PAX5: variants seen among roughly 807,000 people sequenced by gnomAD.
PAX5 encodes the protein paired box protein Pax-5.
A neutral mutation model predicts 43.7 loss-of-function variants in PAX5; 9 were observed. The observed-to-expected ratio is 0.21, with a 90% CI of 0.12 to 0.36. The LOEUF is 0.36. PAX5 is among the 10% of genes least tolerant of loss of function. The probability of loss-of-function intolerance (pLI) is 1.00; values close to 1 mark genes in which losing one functional copy is unlikely to be tolerated. For synonymous variants in PAX5, 228 were observed against 214.3 expected (o/e 1.06, Z -0.56); for missense variants, 383 against 532.7 (o/e 0.72, Z 2.77).
At chr9:36,880,009 C>T (rs544843859) in intron 8 of PAX5, among the ~76,000 whole-genome samples, 80 of 152,324 alleles carry the variant, frequency 5.3e-4, no homozygotes, top group African/African-American at 1.8e-3. Flanking sequence ...ACACGGAGGC[C>T]GTTTCCCATG....
chr9:36,862,585 AAAG>A (rs1824328791), intron 8 of PAX5, among the ~76,000 whole-genome samples: 1 of 152,082 alleles, frequency 6.6e-6, no homozygotes, highest in Non-Finnish European at 1.5e-5. Flanking sequence ...AACAAACCAA[AAAG>A]AAGATGGAAA....
At chr9:36,951,730 T>C (rs1833028746) in intron 6 of PAX5, among the ~76,000 whole-genome samples, 1 of 152,228 alleles carries the variant, frequency 6.6e-6, no homozygotes, top group Non-Finnish European at 1.5e-5. Context: ...TTCTATCCTC[T>C]ATTGTGTAAT....
intron 5 of PAX5, among the ~76,000 whole-genome samples, chr9:37,000,904 C>T (rs28685233): frequency 0.066 from 10,100 of 152,296 alleles, 502 homozygotes; most frequent in African/African-American, 0.14. Context: ...AATCCAGTCT[C>T]GCTTATTCTG....
At chr9:36,880,219 C>T (rs932143799) in intron 8 of PAX5, among the ~76,000 whole-genome samples, 1 of 152,254 alleles carries the variant, frequency 6.6e-6, no homozygotes, top group African/African-American at 2.4e-5. Context: ...TGCTGAGCTC[C>T]CCACCCTGGG....
chr9:36,866,197 G>A (rs981746432), intron 8 of PAX5, among the ~76,000 whole-genome samples: 17 of 152,254 alleles, frequency 1.1e-4, no homozygotes, highest in Admixed American at 9.8e-4. Context: ...GAGCGTTCGA[G>A]GCAGAGGCCT....
intron 1 of PAX5, among the ~76,000 whole-genome samples, chr9:37,030,818 A>G (rs1588284791): frequency 6.6e-6 from 1 of 152,268 alleles, no homozygotes; most frequent in South Asian, 2.1e-4. Context: ...GTGTTCTAGT[A>G]GCCTGACATC....
intron 5 of PAX5, among the ~76,000 whole-genome samples, chr9:36,969,638 C>T (rs1834769969): frequency 6.6e-6 from 1 of 152,274 alleles, no homozygotes; most frequent in Non-Finnish European, 1.5e-5. Context: ...TGGCTGCGTC[C>T]TGCTCTGGTT....
At position 37,024,656 on chromosome 9, in the gene PAX5, G is replaced by A. The variant is rs369912968; in HGVS notation, c.47-3855C>T. On this transcript the variant is annotated intron_variant, in intron 1 of 9. Transcript: ENST00000358127. ...GCTGGGGCCCAGCCCCCACTGTGCT[G>A]CCAGGGAGATTGAAAATGGGAGGGA... 1.3e-4 allele frequency among the ~76,000 whole-genome samples: 20 copies of A among 152,328 alleles called. No individual in the cohort carries two copies. In the South Asian group the frequency reaches 4.2e-3, roughly 32 times the overall value.
intron 5 of PAX5, among the ~76,000 whole-genome samples, chr9:37,001,671 G>C (rs978222581): frequency 6.6e-6 from 1 of 152,220 alleles, no homozygotes; most frequent in Non-Finnish European, 1.5e-5. Flanking sequence ...TCTAGTTACA[G>C]ATCTTAAGTA....
At chr9:36,904,072 T>C (rs931366297) in intron 7 of PAX5, among the ~76,000 whole-genome samples, 9 of 152,182 alleles carry the variant, frequency 5.9e-5, no homozygotes, top group Non-Finnish European at 1.0e-4. Context: ...ACCAGTGAAA[T>C]GAGGATGAGA....
At chr9:37,010,266 G>A (rs892895932) in intron 3 of PAX5, among the ~76,000 whole-genome samples, 16 of 152,280 alleles carry the variant, frequency 1.1e-4, no homozygotes, top group African/African-American at 3.1e-4. Flanking sequence ...CCTGGCTGCC[G>A]TACTGCAGAG....
At chr9:36,993,229 G>C (rs1171876432) in intron 5 of PAX5, among the ~76,000 whole-genome samples, 1 of 152,092 alleles carries the variant, frequency 6.6e-6, no homozygotes, top group Non-Finnish European at 1.5e-5. Context: ...ACTAAATTTT[G>C]GGTTTGGAAG....
At chr9:37,023,836 G>C (rs1251478521) in intron 1 of PAX5, among the ~76,000 whole-genome samples, 1 of 152,222 alleles carries the variant, frequency 6.6e-6, no homozygotes, top group Non-Finnish European at 1.5e-5. Flanking sequence ...AGGGGCACAG[G>C]GAAAGGGCAG....
rs1473825877 is a variant in PAX5 at position 36,882,607 on chromosome 9, CCCACAGTG to C, written c.911-510_911-503del. 1.3e-5 allele frequency among the ~76,000 whole-genome samples: 2 copies of C among 152,216 alleles called. No homozygotes were observed. Among genetic ancestry groups the C allele is most frequent in the East Asian group, 3.8e-4 (2 of 5,200 alleles). On this transcript the variant is annotated intron_variant, in intron 7 of 9. Transcript: ENST00000358127. The surrounding 1 kb of genome is among the most constrained non-coding windows in gnomAD (Gnocchi z 4.4). ...TCCCTTCTCCTCTCCTCAACAGCCC[CCCACAGTG>C]AACAGGGGGCATATCTGCCTCAAAC...
At chr9:36,976,341 T>C (rs1341886311) in intron 5 of PAX5, among the ~76,000 whole-genome samples, 1 of 152,096 alleles carries the variant, frequency 6.6e-6, no homozygotes, top group Non-Finnish European at 1.5e-5. Flanking sequence ...TTGGGGTGCT[T>C]AGAGTGATCC....
At chr9:36,980,623 G>A (rs1459133762) in intron 5 of PAX5, among the ~76,000 whole-genome samples, 1 of 152,156 alleles carries the variant, frequency 6.6e-6, no homozygotes, top group Non-Finnish European at 1.5e-5. Context: ...GGGGGAGGAG[G>A]GTCATACAGT....
chr9:36,916,950 G>A (rs1829773205), intron 7 of PAX5, among the ~76,000 whole-genome samples: 1 of 152,124 alleles, frequency 6.6e-6, no homozygotes, highest in South Asian at 2.1e-4. Context: ...CTCCCAAAAT[G>A]CTGGGATTAC....
At position 37,034,057 on chromosome 9, in the gene PAX5, TG is replaced by T; in HGVS notation, c.-27del. On this transcript the variant is annotated 5_prime_UTR_variant, in exon 1 of 10. Transcript: ENST00000358127. ...TTTGATTTTTCAGGACTTGATGGAA[TG>T]GACAGGGAAAAGTTTCCACTTTTTT... The T allele has an allele frequency of 6.8e-7, 1 of 1,465,068 alleles. No homozygotes were observed. Among genetic ancestry groups the T allele is most frequent in the Non-Finnish European group, 9.5e-7 (1 of 1,052,156 alleles). The allele number at this position is 1,465,068 out of a possible 1,614,324, so 90.8% of individuals were successfully genotyped here.
chr9:36,882,236 C>A lies in PAX5; in HGVS notation c.911-131G>T, dbSNP rs79473240. On this transcript the variant is annotated intron_variant, in intron 7 of 9. Coordinates refer to ENST00000358127, the MANE Select transcript of PAX5 (RefSeq NM_016734.3). This position sits in a 1 kb window ranked among gnomAD's most constrained non-coding sequence, Gnocchi z 4.4. The stretch of plus-strand genomic sequence containing the variant: ...AACGGCAATGTGCCCCCAGCTCCCC[C>A]CTGTCGCTCACACGCTCTCACAAAC... 303 of 643,392 alleles carry A rather than the reference C, an allele frequency of 4.7e-4. 1 individual carries two copies. The highest frequency in any genetic ancestry group is 4.0e-3 in the African/African-American group (215 of 54,040). The allele number at this position is 643,392 out of a possible 1,614,324, so 39.9% of individuals were successfully genotyped here.
Sources: allele counts gnomAD v4.1 joint callset (sites outside exome capture counted in the v4.1 genomes callset), GRCh38; gene constraint gnomAD v4.1.1; non-coding constraint Gnocchi (gnomAD v3.1); transcripts MANE v1.5; gene names NCBI Gene and HGNC (gene_info 2026-07-23, HGNC 2026-07-21).